Variants in AKAP7 observed in about 807,000 individuals in gnomAD.
The protein encoded by AKAP7 is A kinase (PRKA) anchor protein 7.
AKAP7 carries 39 observed loss-of-function variants against 39.5 expected under a neutral mutation model. The observed-to-expected ratio is 0.99, with a 90% confidence interval of 0.76 to 1.29. AKAP7 has a LOEUF of 1.29. Among genes scored for constraint, AKAP7 ranks in the 50% most tolerant of loss-of-function variants. The pLI, the probability that AKAP7 is intolerant of heterozygous loss-of-function variation, is 0.00. For synonymous variants in AKAP7, 140 were observed against 139.1 expected, an observed-to-expected ratio of 1.01 and a Z score of -0.05; for missense variants, 414 against 407.7, an observed-to-expected ratio of 1.02 and a Z score of -0.13.
chr6:131,179,363 G>A (rs1247041852), intron 5 of AKAP7, among the ~76,000 whole-genome samples: 4 of 152,162 alleles, frequency 2.6e-5, no homozygotes, highest in Non-Finnish European at 1.5e-5. Flanking sequence ...TAGTAGAGAC[G>A]GAGTTTCTCC....
At chr6:131,240,125 A>G (rs1811412225) in intron 7 of AKAP7, among the ~76,000 whole-genome samples, 1 of 152,232 alleles carries the variant, frequency 6.6e-6, no homozygotes, top group African/African-American at 2.4e-5. Flanking sequence ...TCCATCTAAC[A>G]GTCAGGATCC....
At chr6:131,147,756 T>C (rs1255346816) in intron 2 of AKAP7, among the ~76,000 whole-genome samples, 1 of 152,258 alleles carries the variant, frequency 6.6e-6, no homozygotes, top group Non-Finnish European at 1.5e-5. Flanking sequence ...GTTCTCCCTG[T>C]GAGCCTTGTT....
At chr6:131,220,015 T>A (rs1257454951) in intron 7 of AKAP7, among the ~76,000 whole-genome samples, 1 of 152,192 alleles carries the variant, frequency 6.6e-6, no homozygotes, top group Non-Finnish European at 1.5e-5. Flanking sequence ...CTACCTGTAG[T>A]TTTTATACTT....
In AKAP7 at chr6:131,241,875, G is replaced by A. The variant is rs1811653462; in HGVS notation, c.850+22067G>A. The stretch of plus-strand genomic sequence containing the variant: ...TTTGTTAATTGTTTCTTGTTGGTCT[G>A]TGGAACATCAGTAGCCTAAAAATGT... On this transcript the variant is annotated intron_variant, in intron 7 of 7. Transcript: ENST00000431975. 2.0e-5 allele frequency among the ~76,000 whole-genome samples: 3 copies of A among 152,094 alleles called. No individual in the cohort carries two copies. The South Asian group carries it at 6.2e-4, about 32-fold the overall frequency.
At chr6:131,180,836 T>C (rs1805140941) in intron 5 of AKAP7, among the ~76,000 whole-genome samples, 8 of 59,500 alleles carry the variant, frequency 1.3e-4, no homozygotes, top group Admixed American at 1.1e-3. Flanking sequence ...TTTGTTTTGT[T>C]TTTTTTTTTT....
intron 6 of AKAP7, among the ~76,000 whole-genome samples, chr6:131,201,521 A>G (rs916085275): frequency 6.6e-6 from 1 of 151,830 alleles, no homozygotes; most frequent in Non-Finnish European, 1.5e-5. Flanking sequence ...GGTTGTGAAA[A>G]TTTTCTCCTA....
intron 6 of AKAP7, among the ~76,000 whole-genome samples, chr6:131,218,884 T>C (rs756534103): frequency 6.6e-6 from 1 of 152,212 alleles, no homozygotes; most frequent in Non-Finnish European, 1.5e-5. Flanking sequence ...CTCCATCTTA[T>C]TAGGGCATTT....
At chr6:131,230,112 A>G (rs1235254643) in intron 7 of AKAP7, among the ~76,000 whole-genome samples, 1 of 152,238 alleles carries the variant, frequency 6.6e-6, no homozygotes, top group Non-Finnish European at 1.5e-5. Context: ...GTGTATACCC[A>G]GTAATGGGAT....
intron 7 of AKAP7, among the ~76,000 whole-genome samples, chr6:131,241,629 A>ATACG (rs1554217965): frequency 2.5e-4 from 18 of 71,824 alleles, no homozygotes; most frequent in South Asian, 1.1e-3. Context: ...GTGTGTGTGT[A>ATACG]TATATATATG....
At chr6:131,129,284 C>CAA in the AKAP7 span, among the ~76,000 whole-genome samples, 62,313 of 130,576 alleles carry the variant, frequency 0.48, 15,473 homozygotes, top group East Asian at 0.62. Flanking sequence ...AAGACTCTGT[C>CAA]AAAAAAAAAA....
intron 5 of AKAP7, among the ~76,000 whole-genome samples, chr6:131,179,860 C>T (rs1357170643): frequency 1.3e-5 from 2 of 149,740 alleles, no homozygotes; most frequent in African/African-American, 5.0e-5. Context: ...CAGAAAAAGA[C>T]CCTGTCTCAA....
At chr6:131,126,327 A>C in the AKAP7 span, among the ~76,000 whole-genome samples, 1 of 152,138 alleles carries the variant, frequency 6.6e-6, no homozygotes, top group Non-Finnish European at 1.5e-5. Flanking sequence ...ATATTCCTTC[A>C]TTTCATGGGT....
chr6:131,232,263 G>A (rs969782973), intron 7 of AKAP7, among the ~76,000 whole-genome samples: 6 of 152,182 alleles, frequency 3.9e-5, no homozygotes, highest in Non-Finnish European at 1.5e-5. Flanking sequence ...TATTTGTGGA[G>A]CCTTCAGTTG....
At chr6:131,202,261 T>C (rs1474488806) in intron 6 of AKAP7, among the ~76,000 whole-genome samples, 2 of 147,336 alleles carry the variant, frequency 1.4e-5, no homozygotes, top group Non-Finnish European at 3.0e-5. Context: ...CATTACTGGG[T>C]ATATACCCAA....
chr6:131,256,889 ATATT>A (rs1356484987), intron 7 of AKAP7, among the ~76,000 whole-genome samples: 5 of 152,086 alleles, frequency 3.3e-5, no homozygotes, highest in Admixed American at 2.0e-4. Context: ...CTCTTGGGAA[ATATT>A]TATAGTAAAA....
intron 7 of AKAP7, among the ~76,000 whole-genome samples, chr6:131,267,614 T>C (rs1338352520): frequency 6.6e-6 from 1 of 152,176 alleles, no homozygotes; most frequent in Non-Finnish European, 1.5e-5. Context: ...ACCTCATCAG[T>C]TACTTAACCA....
chr6:131,143,622 C>T (rs963286842), intron 1 of AKAP7, among the ~76,000 whole-genome samples: 9 of 151,902 alleles, frequency 5.9e-5, no homozygotes, highest in Admixed American at 2.0e-4. Context: ...ACTAATACAA[C>T]AGGGGTGTGT....
intron 7 of AKAP7, among the ~76,000 whole-genome samples, chr6:131,264,764 G>A (rs899395185): frequency 3.3e-5 from 5 of 152,142 alleles, no homozygotes; most frequent in Non-Finnish European, 7.4e-5. Context: ...CAGGAAGCAC[G>A]GTGCTAGCAT....
rs398066280 is a variant in AKAP7 at position 131,137,384 on chromosome 6, CT to C, written c.19+1616del. 938 of 143,294 alleles carry C rather than the reference CT, an allele frequency of 6.5e-3. 2 individuals are homozygous for C. The highest frequency in any genetic ancestry group is 5.4e-3 in the Non-Finnish European group (351 of 65,020). The allele number at this position is 143,294 out of a possible 1,614,324, so 8.9% of individuals were successfully genotyped here. Reference sequence around the variant, plus strand: ...GAACTCTCCATACCCTTTTCTCTCTCTTTTTTTTTTTTTTAGAGGCAAGAGT... The same window carrying C: ...GAACTCTCCATACCCTTTTCTCTCTCTTTTTTTTTTTTTAGAGGCAAGAGT... On this transcript the variant is annotated intron_variant, in intron 1 of 7. Transcript: ENST00000431975.
Sources: gnomAD v4.1 joint callset for allele counts (sites outside exome capture counted in the v4.1 genomes callset) on GRCh38, gnomAD v4.1.1 for gene constraint, MANE v1.5 for transcripts, NCBI Gene and HGNC (gene_info 2026-07-23, HGNC 2026-07-21) for gene names.